Variants in FAM53B observed in about 807,000 individuals in gnomAD.
The protein encoded by FAM53B is family with sequence similarity 53 member B.
Under a neutral mutation model 32.7 loss-of-function variants are expected in FAM53B, and 12 were observed. The observed-to-expected ratio is 0.37, with a 90% CI of 0.24 to 0.59. FAM53B has a LOEUF of 0.59. Ranked by LOEUF, FAM53B falls within the 20% of genes least tolerant of loss-of-function variation. The pLI is 0.72. For synonymous variants in FAM53B, 234 were observed against 228.7 expected (o/e 1.02, Z -0.21); for missense variants, 477 against 577.7 (o/e 0.83, Z 1.79).
intron 1 of FAM53B, chr10:124,713,286 C>T (rs896496554): frequency 6.6e-6 from 1 of 152,260 alleles, no homozygotes; most frequent in Non-Finnish European, 1.5e-5. Flanking sequence ...TGCCCAATAT[C>T]ATACATCTAG....
chr10:124,641,028 G>C (rs977401817), intron 4 of FAM53B, among the ~76,000 whole-genome samples: 1 of 152,204 alleles, frequency 6.6e-6, no homozygotes, highest in African/African-American at 2.4e-5. Context: ...TGATGTGTGT[G>C]GGAGAGGCTG....
intron 1 of FAM53B, among the ~76,000 whole-genome samples, chr10:124,739,515 G>A (rs776951200): frequency 6.6e-6 from 1 of 152,242 alleles, no homozygotes; most frequent in Non-Finnish European, 1.5e-5. Flanking sequence ...AACAAAAAGA[G>A]TGAGTGGAGA....
intron 4 of FAM53B, among the ~76,000 whole-genome samples, chr10:124,630,370 C>T (rs1041692748): frequency 6.6e-6 from 1 of 152,146 alleles, no homozygotes. Flanking sequence ...GCCGAGATTG[C>T]ACCACTGTAC....
At chr10:124,628,619 A>T (rs4962393) in intron 4 of FAM53B, among the ~76,000 whole-genome samples, 1 of 152,190 alleles carries the variant, frequency 6.6e-6, no homozygotes, top group Admixed American at 6.5e-5. Context: ...CTGGTGTCCC[A>T]CCTGGAGTCC....
chr10:124,688,421 G>A (rs780651877), intron 3 of FAM53B, among the ~76,000 whole-genome samples: 4 of 152,204 alleles, frequency 2.6e-5, no homozygotes, highest in East Asian at 1.9e-4. Context: ...TGATACACAC[G>A]AGAGCGTGTG....
At chr10:124,717,325 C>T (rs2134093765) in intron 1 of FAM53B, among the ~76,000 whole-genome samples, 1 of 152,334 alleles carries the variant, frequency 6.6e-6, no homozygotes, top group Middle Eastern at 3.4e-3. Flanking sequence ...GCCTCAGTTT[C>T]CTCACGTGTC....
intron 4 of FAM53B, among the ~76,000 whole-genome samples, chr10:124,632,423 C>T (rs7911370): frequency 0.059 from 9,031 of 152,274 alleles, 850 homozygotes; most frequent in African/African-American, 0.2. Flanking sequence ...AGGGTTCTGG[C>T]GGGGGGCCGA....
chr10:124,654,757 C>T (rs903807883), intron 4 of FAM53B, among the ~76,000 whole-genome samples: 3 of 152,130 alleles, frequency 2.0e-5, no homozygotes, highest in Non-Finnish European at 4.4e-5. Context: ...CTTCCTGAGG[C>T]CTGGGACCTT....
At chr10:124,631,236 C>T (rs566618231) in intron 4 of FAM53B, among the ~76,000 whole-genome samples, 13 of 152,312 alleles carry the variant, frequency 8.5e-5, no homozygotes, top group Admixed American at 2.6e-4. Context: ...GCCTTGCCTA[C>T]GGTAACTCGA....
intron 1 of FAM53B, among the ~76,000 whole-genome samples, chr10:124,709,354 A>C (rs887720254): frequency 6.6e-6 from 1 of 152,226 alleles, no homozygotes; most frequent in Admixed American, 6.5e-5. Context: ...GGGGCACCCC[A>C]GCTCTCTCTA....
chr10:124,659,068 T>C (rs1949613216), intron 4 of FAM53B, among the ~76,000 whole-genome samples: 1 of 152,168 alleles, frequency 6.6e-6, no homozygotes, highest in Admixed American at 6.5e-5. Context: ...ATGGCGATGG[T>C]GGGGATGGGC....
intron 4 of FAM53B, among the ~76,000 whole-genome samples, chr10:124,629,381 G>A (rs893177869): frequency 2.6e-5 from 4 of 152,182 alleles, no homozygotes; most frequent in African/African-American, 9.7e-5. Flanking sequence ...GACCAGCTGC[G>A]TTTCCTCCTT....
chr10:124,638,418 T>C (rs1949447992), intron 4 of FAM53B, among the ~76,000 whole-genome samples: 1 of 152,144 alleles, frequency 6.6e-6, no homozygotes, highest in South Asian at 2.1e-4. Context: ...CGGTGCTTCC[T>C]TGGGCATGTT....
chr10:124,671,898 A>G, intron 4 of FAM53B, among the ~76,000 whole-genome samples: 1 of 152,182 alleles, frequency 6.6e-6, no homozygotes, highest in East Asian at 1.9e-4. Context: ...ACCCACTCTG[A>G]GTCTAGTCAA....
At chr10:124,740,373 C>T (rs377546272) in intron 1 of FAM53B, among the ~76,000 whole-genome samples, 8 of 152,322 alleles carry the variant, frequency 5.3e-5, no homozygotes, top group East Asian at 3.9e-4. Context: ...GTAAGAAGAA[C>T]CCTAGGGAAC....
At chr10:124,702,069 C>T (rs946998457) in intron 2 of FAM53B, among the ~76,000 whole-genome samples, 9 of 152,110 alleles carry the variant, frequency 5.9e-5, no homozygotes, top group African/African-American at 2.2e-4. Context: ...GGTGACTTTC[C>T]CTTGCACATT....
At chr10:124,649,043 G>A (rs1372588935) in intron 4 of FAM53B, among the ~76,000 whole-genome samples, 1 of 152,258 alleles carries the variant, frequency 6.6e-6, no homozygotes, top group Non-Finnish European at 1.5e-5. Context: ...AACAGCAGCA[G>A]TGGAAGGCCA....
intron 4 of FAM53B, among the ~76,000 whole-genome samples, chr10:124,673,438 G>T (rs1423848342): frequency 6.6e-6 from 1 of 152,164 alleles, no homozygotes; most frequent in Non-Finnish European, 1.5e-5. Flanking sequence ...CTATATACTA[G>T]AACAGGCTTT....
At chr10:124,652,107 T>C (rs188919658) in intron 4 of FAM53B, among the ~76,000 whole-genome samples, 30 of 152,306 alleles carry the variant, frequency 2.0e-4, no homozygotes, top group Non-Finnish European at 3.8e-4. Context: ...CTCTAGTTTT[T>C]CATTTATAGT....
Sources: gnomAD v4.1 joint callset for allele counts (sites outside exome capture counted in the v4.1 genomes callset) on GRCh38, gnomAD v4.1.1 for gene constraint, MANE v1.5 for transcripts, NCBI Gene and HGNC (gene_info 2026-07-23, HGNC 2026-07-21) for gene names.